The following SORCS1 variants were observed in gnomAD, a reference collection of about 807,000 sequenced individuals.
The protein encoded by SORCS1 is sortilin related VPS10 domain containing receptor 1.
In SORCS1, 60 loss-of-function variants were observed where a neutral mutation model predicts 146.1. The observed-to-expected ratio is 0.41, with a 90% CI of 0.33 to 0.51. The LOEUF (loss-of-function observed/expected upper bound fraction) is 0.51. Among genes scored for constraint, SORCS1 ranks in the 20% least tolerant of loss-of-function variants. The pLI, the probability that SORCS1 is intolerant of heterozygous loss-of-function variation, is 0.21. For synonymous variants in SORCS1, 637 were observed against 584.0 expected, an observed-to-expected ratio of 1.09 and a Z score of -1.31; for missense variants, 1,352 against 1,487.6, an observed-to-expected ratio of 0.91 and a Z score of 1.50.
At chr10:107,105,226 G>A (rs1447809385) in intron 1 of SORCS1, among the ~76,000 whole-genome samples, 1 of 152,144 alleles carries the variant, frequency 6.6e-6, no homozygotes, top group African/African-American at 2.4e-5. Flanking sequence ...GGAGGGTCAG[G>A]AGAGCCTCAG....
At chr10:106,729,785 A>C (rs1442415549) in intron 6 of SORCS1, among the ~76,000 whole-genome samples, 2 of 152,166 alleles carry the variant, frequency 1.3e-5, no homozygotes, top group Non-Finnish European at 2.9e-5. Flanking sequence ...AAGACAGGAA[A>C]TGTCTTCATG....
At chr10:106,637,035 C>G (rs943229947) in intron 18 of SORCS1, among the ~76,000 whole-genome samples, 16 of 152,106 alleles carry the variant, frequency 1.1e-4, no homozygotes, top group African/African-American at 3.4e-4. Flanking sequence ...TGTAAAATAC[C>G]CCAGAAGCTA....
At position 107,137,596 on chromosome 10, in the gene SORCS1, G is replaced by A. The variant is rs142577001; in HGVS notation, c.558+26373C>T. ...TGGGAGCATGAGGCCAGGTGTGGTG[G>A]CTCCGCCTGTAATCTCAACACTTTG... On this transcript the variant is annotated intron_variant, in intron 1 of 25. Transcript: ENST00000263054. Among the ~76,000 whole-genome samples, 95 of 152,248 alleles carry A rather than the reference G, an allele frequency of 6.2e-4. 1 individual carries two copies. The East Asian group carries it at 0.016, about 25-fold the overall frequency.
At chr10:107,139,361 C>T (rs1384810513) in intron 1 of SORCS1, among the ~76,000 whole-genome samples, 1 of 152,036 alleles carries the variant, frequency 6.6e-6, no homozygotes, top group African/African-American at 2.4e-5. Context: ...AAAGTCAAGA[C>T]AAAATGCAAT....
At chr10:106,579,228 T>C (rs1217225412) in intron 25 of SORCS1, 141 bp downstream of exon 25, 2 of 1,614,114 alleles carry the variant, frequency 1.2e-6, no homozygotes, top group Non-Finnish European at 1.7e-6. Flanking sequence ...CATCTGGGCA[T>C]AAACATTAAT....
At chr10:107,139,234 A>G (rs1967593020) in intron 1 of SORCS1, among the ~76,000 whole-genome samples, 1 of 152,218 alleles carries the variant, frequency 6.6e-6, no homozygotes, top group Admixed American at 6.5e-5. Context: ...CTAGTCTTGG[A>G]AAGCCAGAAA....
chr10:106,651,951 T>G (rs934527825), intron 18 of SORCS1, among the ~76,000 whole-genome samples: 3 of 152,242 alleles, frequency 2.0e-5, no homozygotes, highest in Admixed American at 6.5e-5. Context: ...CAGTGCTATA[T>G]GCATGACCAT....
chr10:106,598,037 T>C (rs1455155531), intron 23 of SORCS1, among the ~76,000 whole-genome samples: 2 of 152,004 alleles, frequency 1.3e-5, no homozygotes, highest in Non-Finnish European at 2.9e-5. Context: ...GGCAGACCCA[T>C]GGAATTCTGG....
chr10:106,596,921 G>A (rs558461079), intron 24 of SORCS1, among the ~76,000 whole-genome samples: 25 of 152,116 alleles, frequency 1.6e-4, no homozygotes, highest in Admixed American at 3.9e-4. Flanking sequence ...GCGTGATCTC[G>A]GCTCACTGTA....
intron 22 of SORCS1, among the ~76,000 whole-genome samples, chr10:106,611,042 T>TG (rs1048227385): frequency 6.6e-6 from 1 of 151,572 alleles, no homozygotes; most frequent in African/African-American, 2.4e-5. Flanking sequence ...ATTGAGTCAC[T>TG]GCACTCCAGC....
chr10:106,699,441 T>C, intron 8 of SORCS1, 48 bp from the exon 9 acceptor site: 1 of 1,520,044 alleles, frequency 6.6e-7, no homozygotes, highest in Non-Finnish European at 8.9e-7. Flanking sequence ...GTTTTATACA[T>C]TAACCTGGCA....
rs1964851471 is a variant in SORCS1 at position 107,100,546 on chromosome 10, G to C, written c.558+63423C>G. 2.0e-5 allele frequency among the ~76,000 whole-genome samples: 3 copies of C among 151,912 alleles called. No homozygotes were observed. In the South Asian group the frequency reaches 6.2e-4, roughly 32 times the overall value. ...AAAAAAGTAAGTAAATAGTCTCTTA[G>C]GCAGACTTTATGATACAGTCAAAGC... On this transcript the variant is annotated intron_variant, in intron 1 of 25. Transcript: ENST00000263054.
intron 3 of SORCS1, among the ~76,000 whole-genome samples, chr10:106,783,895 A>C (rs1039934952): frequency 1.2e-4 from 19 of 152,208 alleles, no homozygotes; most frequent in African/African-American, 4.6e-4. Flanking sequence ...CCCACATGCT[A>C]GTTCGCAAAG....
intron 1 of SORCS1, among the ~76,000 whole-genome samples, chr10:107,013,444 C>T (rs1957766710): frequency 6.6e-6 from 1 of 152,032 alleles, no homozygotes; most frequent in Non-Finnish European, 1.5e-5. Context: ...GAGTCACACA[C>T]AGATAGCCAG....
Position 106,607,290 on chromosome 10 carries a change from C to G in SORCS1, c.3041G>C (p.Gly1014Ala). 6.2e-7 allele frequency: 1 copy of G among 1,613,918 alleles called. No homozygotes were observed. ...VIKKSLVEAT[G>A]VPGQHILVAV... is the part of the protein sequence containing the mutation. ...CACCAGGATGTGCTGGCCTGGAACC[C>G]CTGTGGCCTGAGGGACAGACACAGG... The change falls in exon 23 of 26, where the codon GGG (glycine) becomes GCG (alanine). Residue 1014 changes from glycine to alanine, a missense_variant. Around this residue, in one of 3 missense-constraint regions of SORCS1, gnomAD observed 214 missense variants for 204.8 expected, o/e 1.05. Transcript: ENST00000263054.
intron 1 of SORCS1, among the ~76,000 whole-genome samples, chr10:107,100,280 G>A (rs181082416): frequency 1.2e-3 from 181 of 152,280 alleles, no homozygotes; most frequent in Non-Finnish European, 1.9e-3. Context: ...TTGGGAGGTC[G>A]AGGTGGGTGG....
chr10:106,583,670 AT>A (rs369085084), intron 24 of SORCS1, among the ~76,000 whole-genome samples: 312 of 146,800 alleles, frequency 2.1e-3, no homozygotes, highest in African/African-American at 5.2e-3. Context: ...CGCATGGCTA[AT>A]TTTTTTTTTT....
intron 1 of SORCS1, among the ~76,000 whole-genome samples, chr10:106,998,743 T>C (rs943741399): frequency 5.9e-5 from 9 of 152,166 alleles, no homozygotes; most frequent in Admixed American, 2.6e-4. Flanking sequence ...CACACACCAA[T>C]ACCTCATTTT....
chr10:106,693,557 A>G (rs1203719775), intron 9 of SORCS1, among the ~76,000 whole-genome samples: 2 of 152,220 alleles, frequency 1.3e-5, no homozygotes, highest in Non-Finnish European at 2.9e-5. Flanking sequence ...TCTACTACGT[A>G]TCATATGATC....
Sources: allele counts gnomAD v4.1 joint callset (sites outside exome capture counted in the v4.1 genomes callset), GRCh38; gene constraint gnomAD v4.1.1; regional missense constraint gnomAD v4.1.1; transcripts MANE v1.5; gene names NCBI Gene and HGNC (gene_info 2026-07-23, HGNC 2026-07-21).